TPR: variants seen among roughly 807,000 people sequenced by gnomAD.
TPR encodes the protein translocated promoter region, nuclear basket protein.
Under a neutral mutation model 316.1 loss-of-function variants are expected in TPR, and 51 were observed. The observed-to-expected ratio is 0.16, with a 90% confidence interval of 0.13 to 0.20. TPR has a LOEUF of 0.20. TPR is among the 10% of genes least tolerant of loss of function. TPR has a pLI of 1.00. For synonymous variants in TPR, 981 were observed against 914.7 expected (o/e 1.07, Z -1.31); for missense variants, 2,272 against 2,754.8 (o/e 0.82, Z 3.92).
intron 40 of TPR, among the ~76,000 whole-genome samples, 175 bp from the exon 41 acceptor site, chr1:186,326,410 C>G (rs1018245188): frequency 1.3e-5 from 2 of 152,098 alleles, no homozygotes; most frequent in Non-Finnish European, 2.9e-5. Flanking sequence ...GTGATACTTA[C>G]TGGAATTAGT....
intron 30 of TPR, 51 bp from the exon 31 acceptor site, chr1:186,338,294 A>G (rs1271948255): frequency 1.3e-6 from 2 of 1,491,782 alleles, no homozygotes; most frequent in Admixed American, 2.1e-5. Context: ...GACATTTTTC[A>G]AAGTTTGAAG....
At chr1:186,373,230 A>G (rs1008187309) in intron 2 of TPR, 129 bp downstream of exon 2, 9 of 587,528 alleles carry the variant, frequency 1.5e-5, no homozygotes, top group African/African-American at 1.5e-4. Context: ...AAATATCACC[A>G]TAATAAAAAC....
intron 48 of TPR, 26 bp downstream of exon 48, chr1:186,318,421 G>T: frequency 1.9e-6 from 3 of 1,596,248 alleles, no homozygotes; most frequent in Non-Finnish European, 2.6e-6. Flanking sequence ...ACTAAAGCAA[G>T]CAAAAACAAC....
chr1:186,322,345 C>G lies in TPR; in HGVS notation c.6434G>C (p.Arg2145Pro). The G allele has an allele frequency of 6.2e-7, 1 of 1,612,996 alleles. No individual in the cohort carries two copies. The highest frequency in any genetic ancestry group is 8.5e-7 in the Non-Finnish European group (1 of 1,179,708). The change falls in exon 45 of 51, where the codon CGT becomes CCT. Residue 2145 changes from arginine (R) to proline (P), a missense_variant. Arg to Pro is a moderately radical substitution (Grantham distance 103). This residue lies in a region of TPR where 88 missense variants were observed against 176.2 expected (regional missense o/e 0.50). Coordinates refer to ENST00000367478, the MANE Select transcript of TPR (RefSeq NM_003292.3). ...AATTGCTTCAGCAAATCCATCAGTA[C>G]GATGTGGCACCACAAGAGTTGGAGT... is the stretch of plus-strand genomic sequence containing the variant. The part of the protein sequence containing the change: ...PSTPTLVVPH[R>P]TDGFAEAIHS...
chr1:186,317,425 T>A, intron 49 of TPR, 57 bp downstream of exon 49: 1 of 1,352,252 alleles, frequency 7.4e-7, no homozygotes, highest in Non-Finnish European at 1.1e-6. Flanking sequence ...AAAGCAGTGT[T>A]TTCACAAACA....
Position 186,356,306 on chromosome 1 carries a change from C to A in TPR, c.1868G>T (p.Gly623Val). The change falls in exon 15 of 51, where the codon GGA (glycine) becomes GTA (valine). Residue 623 changes from glycine to valine, a missense_variant. Gly to Val is a moderately radical substitution (Grantham distance 109). This residue lies in a region of TPR where 757 missense variants were observed against 859.8 expected (regional missense o/e 0.88). Transcript: ENST00000367478. ...CCTACCATGTAATGGAATGGCAACT[C>A]CTGTTGTTTGTGACAATAAAATACG... ...MYRILLSQTTGVAIPLHASSL... is the reference protein window; with the variant it reads ...MYRILLSQTTVVAIPLHASSL... 1 of 1,605,694 alleles carries A rather than the reference C, an allele frequency of 6.2e-7. No individual in the cohort carries two copies.
At chr1:186,360,391 T>A in intron 10 of TPR, 27 bp from the exon 11 acceptor site, 1 of 1,605,808 alleles carries the variant, frequency 6.2e-7, no homozygotes, top group Non-Finnish European at 8.5e-7. Flanking sequence ...ACATCTAGTA[T>A]AATTTGTAAA....
intron 46 of TPR, among the ~76,000 whole-genome samples, chr1:186,319,362 A>T (rs1571597887): frequency 6.6e-6 from 1 of 152,186 alleles, no homozygotes; most frequent in East Asian, 1.9e-4. Context: ...ACATTCGCTA[A>T]AATGCTCTTA....
intron 30 of TPR, among the ~76,000 whole-genome samples, chr1:186,338,612 G>A (rs916929098): frequency 3.9e-5 from 6 of 152,090 alleles, no homozygotes; most frequent in Admixed American, 6.6e-5. Context: ...TAAAAGGGCC[G>A]GATAGAATGT....
chr1:186,314,396 G>A (rs963114473), intron 50 of TPR: 4 of 353,286 alleles, frequency 1.1e-5, no homozygotes, highest in African/African-American at 6.3e-5. Context: ...TTGGATTTAA[G>A]GAAGAAATCA....
intron 38 of TPR, 117 bp from the exon 39 acceptor site, chr1:186,331,698 A>G: frequency 1.9e-6 from 1 of 538,746 alleles, no homozygotes; most frequent in East Asian, 3.5e-5. Flanking sequence ...ATGAAACTAT[A>G]GAAAAATAAA....
chr1:186,315,272 T>A (rs986783484), intron 49 of TPR, among the ~76,000 whole-genome samples: 2 of 152,096 alleles, frequency 1.3e-5, no homozygotes, highest in South Asian at 4.2e-4. Context: ...CTTGACTTTT[T>A]TTCATTCATT....
intron 21 of TPR, among the ~76,000 whole-genome samples, chr1:186,349,650 ACTCT>A (rs138251412): frequency 6.8e-6 from 1 of 148,136 alleles, no homozygotes; most frequent in South Asian, 2.2e-4. Flanking sequence ...ACAGTGCGAG[ACTCT>A]CTCTCAAAAA....
chr1:186,360,030 C>G (rs756612816), intron 11 of TPR, 34 bp from the exon 12 acceptor site: 1 of 1,581,140 alleles, frequency 6.3e-7, no homozygotes, highest in East Asian at 2.2e-5. Context: ...TCAAATCTAA[C>G]CATAACAACG....
Position 186,355,018 on chromosome 1 carries a change from C to T in TPR, c.2171+392G>A, listed in dbSNP as rs138529205. Among the ~76,000 whole-genome samples the T allele has an allele frequency of 1.7e-4, 26 of 152,274 alleles. No individual in the cohort carries two copies. The East Asian group carries it at 4.6e-3, about 27-fold the overall frequency. On this transcript the variant is annotated intron_variant, in intron 17 of 50. Coordinates refer to ENST00000367478, the MANE Select transcript of TPR (RefSeq NM_003292.3). The stretch of plus-strand genomic sequence containing the variant: ...TCCTGGGCTCAAGTGATTCTCCTGC[C>T]TTAGCCTCCTGAGTAGCTGGGATTA...
At chr1:186,316,060 T>G (rs970305840) in intron 49 of TPR, among the ~76,000 whole-genome samples, 1 of 151,732 alleles carries the variant, frequency 6.6e-6, no homozygotes, top group Non-Finnish European at 1.5e-5. Flanking sequence ...AAAGACATCG[T>G]AATTTCATAT....
chr1:186,349,659 CAAA>C (rs71104853), intron 21 of TPR, among the ~76,000 whole-genome samples: 10,212 of 146,228 alleles, frequency 0.07, 425 homozygotes, highest in South Asian at 0.09. Context: ...GACTCTCTCT[CAAA>C]AAAAAAAAAA....
intron 25 of TPR, 119 bp from the exon 26 acceptor site, chr1:186,344,209 A>G (rs1658606832): frequency 7.2e-7 from 1 of 1,390,594 alleles, no homozygotes; most frequent in Admixed American, 2.4e-5. Context: ...CTGAGGCAGG[A>G]GAATTGCTTG....
At chr1:186,350,610 G>C (rs531150259) in intron 20 of TPR, among the ~76,000 whole-genome samples, 6 of 152,066 alleles carry the variant, frequency 3.9e-5, no homozygotes, top group Non-Finnish European at 8.8e-5. Flanking sequence ...TTAGTTTACT[G>C]ATTTAAAAGT....
Sources: allele counts gnomAD v4.1 joint callset (sites outside exome capture counted in the v4.1 genomes callset), GRCh38; gene constraint gnomAD v4.1.1; regional missense constraint gnomAD v4.1.1; transcripts MANE v1.5; gene names NCBI Gene and HGNC (gene_info 2026-07-23, HGNC 2026-07-21).